Variants in CNBD1 observed in about 807,000 individuals in gnomAD.
CNBD1 encodes cyclic nucleotide-binding domain-containing protein 1.
In CNBD1, 71 loss-of-function variants were observed where a neutral mutation model predicts 54.4. The ratio of observed to expected loss-of-function variants is 1.30; its 90% CI spans 1.08 to 1.59. CNBD1 has a LOEUF of 1.59. Ranked by LOEUF, CNBD1 falls within the 40% of genes most tolerant of loss-of-function variation. CNBD1 has a pLI of 0.00. For synonymous variants in CNBD1, 182 were observed against 170.7 expected (o/e 1.07, Z -0.51); for missense variants, 659 against 518.0 (o/e 1.27, Z -2.64).
chr8:87,370,695 G>C (rs1239818297), intron 10 of CNBD1, among the ~76,000 whole-genome samples: 2 of 150,360 alleles, frequency 1.3e-5, no homozygotes, highest in Non-Finnish European at 3.0e-5. Context: ...CACTCTGATG[G>C]TAGTTTCTTT....
intron 4 of CNBD1, among the ~76,000 whole-genome samples, chr8:87,018,276 G>A (rs767811742): frequency 1.3e-5 from 2 of 152,074 alleles, no homozygotes; most frequent in Non-Finnish European, 2.9e-5. Flanking sequence ...CAAAAAAATT[G>A]TTGCAAATCA....
chr8:87,147,392 A>C (rs1351556966), intron 4 of CNBD1, among the ~76,000 whole-genome samples: 1 of 152,014 alleles, frequency 6.6e-6, no homozygotes, highest in African/African-American at 2.4e-5. Context: ...TGTATACATG[A>C]AGGACATACT....
At chr8:87,089,996 A>G (rs1811174396) in intron 4 of CNBD1, among the ~76,000 whole-genome samples, 1 of 152,154 alleles carries the variant, frequency 6.6e-6, no homozygotes, top group South Asian at 2.1e-4. Flanking sequence ...TTCCATGAAT[A>G]CAAATGTAAA....
chr8:86,944,308 A>G (rs1374411741), intron 4 of CNBD1, among the ~76,000 whole-genome samples: 1 of 152,176 alleles, frequency 6.6e-6, no homozygotes, highest in East Asian at 1.9e-4. Flanking sequence ...TATTCCTGGT[A>G]TTGGGACTGT....
chr8:87,157,891 TAG>T (rs1342835963), intron 4 of CNBD1, among the ~76,000 whole-genome samples: 2 of 152,198 alleles, frequency 1.3e-5, no homozygotes, highest in Non-Finnish European at 2.9e-5. Context: ...CTTGCAATGT[TAG>T]AGTTTACCAA....
chr8:87,413,765 G>GA (rs1477368557), intron 2 of CNBD1, among the ~76,000 whole-genome samples: 5 of 150,778 alleles, frequency 3.3e-5, no homozygotes, highest in South Asian at 2.1e-4. Flanking sequence ...AAAAACACAT[G>GA]AAAAAATGCT....
At chr8:86,944,867 C>T (rs1412744175) in intron 4 of CNBD1, among the ~76,000 whole-genome samples, 1 of 152,158 alleles carries the variant, frequency 6.6e-6, no homozygotes, top group Non-Finnish European at 1.5e-5. Context: ...TGAAAGATGA[C>T]AGTGGCCCAT....
intron 4 of CNBD1, among the ~76,000 whole-genome samples, chr8:86,966,391 C>G (rs1316969251): frequency 6.6e-6 from 1 of 152,202 alleles, no homozygotes; most frequent in Non-Finnish European, 1.5e-5. Context: ...AAGAATGAAG[C>G]CGTGGACCCT....
chr8:87,144,086 C>T (rs974536714), intron 4 of CNBD1, among the ~76,000 whole-genome samples: 3 of 152,128 alleles, frequency 2.0e-5, no homozygotes, highest in African/African-American at 7.2e-5. Context: ...GTGCATATTT[C>T]AGTGGTGTGA....
chr8:87,425,369 C>T (rs949030056), intron 2 of CNBD1, among the ~76,000 whole-genome samples: 2 of 152,190 alleles, frequency 1.3e-5, no homozygotes, highest in African/African-American at 2.4e-5. Context: ...TGAGGAGCTG[C>T]GTTCCTTTGG....
chr8:87,309,865 G>A (rs566391453), intron 8 of CNBD1, among the ~76,000 whole-genome samples: 144 of 152,032 alleles, frequency 9.5e-4, no homozygotes, highest in Non-Finnish European at 1.6e-3. Context: ...TAAAATAAAA[G>A]GTGTCCAAAT....
At chr8:87,266,249 G>C (rs1471286703) in intron 6 of CNBD1, among the ~76,000 whole-genome samples, 2 of 151,162 alleles carry the variant, frequency 1.3e-5, no homozygotes, top group Non-Finnish European at 2.9e-5. Context: ...CTATACCAAA[G>C]AGCAAAAGGC....
intron 4 of CNBD1, among the ~76,000 whole-genome samples, chr8:87,022,271 A>G (rs144791985): frequency 8.7e-4 from 132 of 152,336 alleles, no homozygotes; most frequent in Non-Finnish European, 1.4e-3. Context: ...TGGTGCTAGG[A>G]CTACTTGCAT....
At chr8:87,095,265 C>T (rs940898585) in intron 4 of CNBD1, among the ~76,000 whole-genome samples, 3 of 152,216 alleles carry the variant, frequency 2.0e-5, no homozygotes, top group Middle Eastern at 3.4e-3. Flanking sequence ...AGGACTAAGA[C>T]GTTGGTTAGT....
intron 10 of CNBD1, among the ~76,000 whole-genome samples, chr8:87,374,682 C>T (rs978268781): frequency 5.9e-5 from 9 of 151,732 alleles, no homozygotes; most frequent in African/African-American, 1.7e-4. Context: ...CATATTATTG[C>T]CTGGCCATGA....
At chr8:87,390,790 A>T (rs1195636702) in intron 2 of CNBD1, among the ~76,000 whole-genome samples, 3 of 152,184 alleles carry the variant, frequency 2.0e-5, no homozygotes, top group African/African-American at 7.2e-5. Context: ...ACACATGCAC[A>T]CATATGTTTA....
intron 4 of CNBD1, among the ~76,000 whole-genome samples, chr8:87,144,840 T>A (rs902200322): frequency 4.0e-3 from 528 of 132,798 alleles, no homozygotes; most frequent in Middle Eastern, 0.034. Flanking sequence ...AAAAAAAAAA[T>A]ACTTGAGTGA....
chr8:87,357,905 A>G (rs571438854), intron 10 of CNBD1, among the ~76,000 whole-genome samples: 4 of 152,166 alleles, frequency 2.6e-5, no homozygotes, highest in Non-Finnish European at 4.4e-5. Flanking sequence ...GACTCCTAAT[A>G]AAGGGCTTGG....
At chr8:87,068,008 C>A (rs1810688596) in intron 4 of CNBD1, among the ~76,000 whole-genome samples, 2 of 152,012 alleles carry the variant, frequency 1.3e-5, no homozygotes, top group African/African-American at 4.8e-5. Context: ...CACACTTAAT[C>A]TCCTTTACAA....
Sources: gnomAD v4.1 joint callset for allele counts (sites outside exome capture counted in the v4.1 genomes callset) on GRCh38, gnomAD v4.1.1 for gene constraint, MANE v1.5 for transcripts, NCBI Gene and HGNC (gene_info 2026-07-23, HGNC 2026-07-21) for gene names.